The following TUT4 variants were observed in gnomAD, a reference collection of about 807,000 sequenced individuals.
TUT4 encodes terminal uridylyl transferase 4.
A neutral mutation model predicts 192.2 loss-of-function variants in TUT4; 36 were observed. The observed-to-expected ratio is 0.19, with a 90% CI of 0.14 to 0.25. TUT4 has a LOEUF of 0.25. TUT4 is among the 10% of genes least tolerant of loss of function. The pLI is 1.00. For synonymous variants in TUT4, 618 were observed against 666.0 expected, an observed-to-expected ratio of 0.93 and a Z score of 1.11; for missense variants, 1,493 against 1,957.2, an observed-to-expected ratio of 0.76 and a Z score of 4.47.
chr1:52,463,193 T>G lies in TUT4; in HGVS notation c.3070-1424A>C, dbSNP rs549011853. The G allele has an allele frequency of 1.1e-5, 11 of 984,112 alleles. No homozygotes were observed. In the African/African-American group the frequency reaches 1.9e-4, roughly 17 times the overall value. The allele number at this position is 984,112 out of a possible 1,614,324, so 61.0% of individuals were successfully genotyped here. ...ATATAATATACAAACCCTTAGTGAT[T>G]AGAAGTTTAATAAATTTTACATAGA... On this transcript the variant is annotated intron_variant, in intron 16 of 29. Transcript: ENST00000257177.
chr1:52,446,008 C>G lies in TUT4; in HGVS notation c.3692-4G>C. On this transcript the variant is annotated splice_region_variant and splice_polypyrimidine_tract_variant and intron_variant, in intron 22 of 29. Coordinates refer to ENST00000257177, the MANE Select transcript of TUT4 (RefSeq NM_001009881.3). ...TTATGATTCAAGTCAAAAGGGTCTACAAAAGAAATATATCAATGATTAAGA... is the reference window on the plus strand; with the variant it reads ...TTATGATTCAAGTCAAAAGGGTCTAGAAAAGAAATATATCAATGATTAAGA... 1 of 1,600,412 alleles carries G rather than the reference C, an allele frequency of 6.2e-7. No individual in the cohort carries two copies. Among genetic ancestry groups the G allele is most frequent in the Non-Finnish European group, 8.5e-7 (1 of 1,176,128 alleles).
At chr1:52,464,843 T>C (rs2148746421) in intron 16 of TUT4, 1 of 382,056 alleles carries the variant, frequency 2.6e-6, no homozygotes, top group Non-Finnish European at 4.6e-6. Flanking sequence ...ACTGTAACTC[T>C]CAGTGACATG....
chr1:52,509,035 T>C (rs1293696743), intron 4 of TUT4, among the ~76,000 whole-genome samples: 2 of 152,196 alleles, frequency 1.3e-5, no homozygotes, highest in Non-Finnish European at 2.9e-5. Context: ...TAAAGACTTT[T>C]AATTCATGCT....
chr1:52,439,161 G>A (rs1025357916), intron 24 of TUT4, among the ~76,000 whole-genome samples: 1 of 151,416 alleles, frequency 6.6e-6, no homozygotes, highest in African/African-American at 2.4e-5. Flanking sequence ...TGAGGCTGTA[G>A]TGCATAATGA....
At chr1:52,474,773 TATAC>T (rs1182975315) in intron 13 of TUT4, 55 bp downstream of exon 13, 12 of 1,387,096 alleles carry the variant, frequency 8.7e-6, no homozygotes, top group African/African-American at 1.5e-5. Context: ...ATCTAAAAAA[TATAC>T]ATAGTCATAC....
intron 20 of TUT4, among the ~76,000 whole-genome samples, chr1:52,450,414 T>C (rs1386187462): frequency 6.6e-6 from 1 of 152,222 alleles, no homozygotes; most frequent in Non-Finnish European, 1.5e-5. Context: ...AAACATTCCA[T>C]GAACTGTCTC....
At chr1:52,500,317 T>C (rs1673737764) in intron 4 of TUT4, among the ~76,000 whole-genome samples, 1 of 152,084 alleles carries the variant, frequency 6.6e-6, no homozygotes, top group Admixed American at 6.6e-5. Flanking sequence ...TAACTCAAAA[T>C]GGATCAAAGA....
chr1:52,436,651 A>G (rs1653883811), intron 26 of TUT4, 104 bp downstream of exon 26: 2 of 1,525,178 alleles, frequency 1.3e-6, no homozygotes, highest in South Asian at 1.3e-5. Flanking sequence ...GTCCAAAATC[A>G]TACAATTAGG....
At chr1:52,528,194 A>G (rs1443107243) in intron 1 of TUT4, among the ~76,000 whole-genome samples, 5 of 150,126 alleles carry the variant, frequency 3.3e-5, no homozygotes, top group African/African-American at 1.2e-4. Flanking sequence ...AAATAATAAT[A>G]ATAATAATAA....
At chr1:52,531,232 T>A (rs1041430396) in intron 1 of TUT4, among the ~76,000 whole-genome samples, 4 of 151,928 alleles carry the variant, frequency 2.6e-5, no homozygotes, top group Non-Finnish European at 4.4e-5. Flanking sequence ...AAGTACTTTT[T>A]TTTTTTTTTC....
chr1:52,521,950 G>GC (rs1040962823), intron 2 of TUT4, among the ~76,000 whole-genome samples: 41 of 152,124 alleles, frequency 2.7e-4, no homozygotes, highest in African/African-American at 9.6e-4. Context: ...GGGCAAAAGA[G>GC]CAAGACTCTG....
intron 20 of TUT4, among the ~76,000 whole-genome samples, chr1:52,456,130 G>A (rs1034296237): frequency 1.3e-5 from 2 of 152,104 alleles, no homozygotes; most frequent in East Asian, 1.9e-4. Context: ...TAGGCCAGGC[G>A]TGGTGGCTCA....
chr1:52,549,815 CAG>C (rs1381928305), intron 1 of TUT4, among the ~76,000 whole-genome samples: 1 of 151,960 alleles, frequency 6.6e-6, no homozygotes, highest in Non-Finnish European at 1.5e-5. Context: ...AATGCATAAA[CAG>C]TGTCTAGCGC....
intron 20 of TUT4, among the ~76,000 whole-genome samples, chr1:52,453,811 A>G (rs955189453): frequency 2.0e-5 from 3 of 152,240 alleles, no homozygotes; most frequent in Non-Finnish European, 4.4e-5. Context: ...AACTGTTCAC[A>G]TATGACATGA....
intron 29 of TUT4, 39 bp downstream of exon 29, chr1:52,425,310 C>T: frequency 6.3e-7 from 1 of 1,588,096 alleles, no homozygotes; most frequent in Admixed American, 1.8e-5. Context: ...CAGAATAAAA[C>T]CCACCCAAGC....
At chr1:52,485,894 T>G (rs922943752) in intron 9 of TUT4, among the ~76,000 whole-genome samples, 1 of 152,110 alleles carries the variant, frequency 6.6e-6, no homozygotes, top group Non-Finnish European at 1.5e-5. Flanking sequence ...AAATCATTGT[T>G]TTCTTCTGTA....
At chr1:52,534,073 T>C (rs750683277) in intron 1 of TUT4, among the ~76,000 whole-genome samples, 5 of 152,254 alleles carry the variant, frequency 3.3e-5, no homozygotes, top group Non-Finnish European at 5.9e-5. Context: ...CCCTGACCTC[T>C]TTCCACTCCC....
chr1:52,530,814 G>A (rs1351278638), intron 1 of TUT4, among the ~76,000 whole-genome samples: 1 of 152,018 alleles, frequency 6.6e-6, no homozygotes, highest in East Asian at 1.9e-4. Flanking sequence ...GCCAGCCTGG[G>A]CAACATGGTA....
intron 7 of TUT4, among the ~76,000 whole-genome samples, chr1:52,491,708 A>C (rs1671198354): frequency 1.4e-5 from 2 of 147,968 alleles, no homozygotes; most frequent in African/African-American, 2.7e-5. Flanking sequence ...CAAAAATAAC[A>C]ACAACAAAAA....
Sources: allele counts gnomAD v4.1 joint callset (sites outside exome capture counted in the v4.1 genomes callset), GRCh38; gene constraint gnomAD v4.1.1; transcripts MANE v1.5; gene names NCBI Gene and HGNC (gene_info 2026-07-23, HGNC 2026-07-21).